Variants in PCDHA10 observed in about 807,000 individuals in gnomAD.
The protein encoded by PCDHA10 is protocadherin alpha 10, also known as protocadherin alpha-10.
A neutral mutation model predicts 61.2 loss-of-function variants in PCDHA10; 45 were observed. That is an observed-to-expected ratio of 0.74 (90% CI 0.58 to 0.94). The LOEUF (loss-of-function observed/expected upper bound fraction) is 0.94. Among genes scored for constraint, PCDHA10 ranks in the 40% least tolerant of loss-of-function variants. PCDHA10 has a pLI of 0.00. For missense variants in PCDHA10, 1,278 were observed against 1,236.2 expected (o/e 1.03, Z -0.51); for synonymous variants, 602 against 548.8 (o/e 1.10, Z -1.35).
rs1305231081 is a variant in PCDHA10 at position 141,010,857 on chromosome 5, G to A, written c.*920G>A. The A allele has an allele frequency of 6.5e-6, 1 of 153,732 alleles. No homozygotes were observed. The highest frequency in any genetic ancestry group is 2.4e-5 in the African/African-American group (1 of 41,448). 9.5% of individuals were successfully genotyped at this position (153,732 alleles called of 1,614,324 possible). ...ATAGATTTATTTAAAAAAAGAGAAAGTCTATAGCTATAAATCTTTAAAGAG... is the reference window on the plus strand; with the variant it reads ...ATAGATTTATTTAAAAAAAGAGAAAATCTATAGCTATAAATCTTTAAAGAG... On this transcript the variant is annotated 3_prime_UTR_variant, in exon 4 of 4. Transcript: ENST00000307360.
intron 1 of PCDHA10, chr5:140,929,432 T>C: frequency 1.4e-6 from 2 of 1,474,372 alleles, no homozygotes; most frequent in Non-Finnish European, 1.8e-6. Flanking sequence ...TCAATTGAAC[T>C]AAACACTCCT....
At chr5:140,967,535 T>C in intron 1 of PCDHA10, 3 of 1,613,746 alleles carry the variant, frequency 1.9e-6, no homozygotes, top group Non-Finnish European at 2.5e-6. Context: ...CTCTCCTGCC[T>C]TTGACCAGTC....
At chr5:140,869,140 C>A in intron 1 of PCDHA10, 8 of 1,613,188 alleles carry the variant, frequency 5.0e-6, no homozygotes, top group African/African-American at 1.3e-5. Context: ...GGGCACCCCA[C>A]GACTACAGCT....
chr5:140,967,460 G>C, intron 1 of PCDHA10: 1 of 1,613,538 alleles, frequency 6.2e-7, no homozygotes, highest in African/African-American at 1.3e-5. Context: ...AGCCGTGGAT[G>C]GGGGCATCCC....
At chr5:140,898,323 G>A (rs2066657733) in intron 1 of PCDHA10, among the ~76,000 whole-genome samples, 1 of 152,132 alleles carries the variant, frequency 6.6e-6, no homozygotes, top group Admixed American at 6.5e-5. Context: ...ATGGTTTTGG[G>A]TCTAACGTTT....
At chr5:140,923,362 T>C (rs1294539314) in intron 1 of PCDHA10, among the ~76,000 whole-genome samples, 1 of 152,136 alleles carries the variant, frequency 6.6e-6, no homozygotes, top group East Asian at 1.9e-4. Context: ...CCTATCTTTA[T>C]AAAATATTTT....
intron 1 of PCDHA10, among the ~76,000 whole-genome samples, chr5:140,898,622 A>G (rs1286354840): frequency 7.9e-5 from 12 of 152,290 alleles, no homozygotes; most frequent in African/African-American, 2.6e-4. Context: ...GTCAGGTAGC[A>G]TAATGCCTCC....
intron 1 of PCDHA10, among the ~76,000 whole-genome samples, chr5:140,969,831 G>A (rs559083785): frequency 3.9e-4 from 60 of 152,296 alleles, no homozygotes; most frequent in African/African-American, 1.4e-3. Context: ...TGTCTACAGT[G>A]GAAATTATCT....
chr5:140,923,456 G>T (rs1554201450), intron 1 of PCDHA10, among the ~76,000 whole-genome samples: 3 of 152,134 alleles, frequency 2.0e-5, no homozygotes, highest in African/African-American at 7.2e-5. Flanking sequence ...TGAGCCCAGA[G>T]AGGTAGGGGC....
rs1012749061 is a variant in PCDHA10 at position 141,011,525 on chromosome 5, C to T, written c.*1588C>T. Reference sequence around the variant, plus strand: ...AAAAGTGGAGTAGTGTTTTTTTAACCATTGTTAATCAGCTTTTGTGTATGA... The same window carrying T: ...AAAAGTGGAGTAGTGTTTTTTTAACTATTGTTAATCAGCTTTTGTGTATGA... On this transcript the variant is annotated 3_prime_UTR_variant, in exon 4 of 4. Coordinates refer to ENST00000307360, the MANE Select transcript of PCDHA10 (RefSeq NM_018901.4). 11 of 153,568 alleles carry T rather than the reference C, an allele frequency of 7.2e-5. No individual in the cohort carries two copies. The Admixed American group carries it at 7.2e-4, about 10-fold the overall frequency. 9.5% of individuals were successfully genotyped at this position (153,568 alleles called of 1,614,324 possible).
At chr5:140,926,483 A>C (rs1261469017) in intron 1 of PCDHA10, 4 of 168,788 alleles carry the variant, frequency 2.4e-5, no homozygotes, top group East Asian at 1.7e-4. Flanking sequence ...TAAGGAGAGA[A>C]GTGTTAGTGT....
chr5:140,870,974 G>C, intron 1 of PCDHA10: 5 of 1,613,628 alleles, frequency 3.1e-6, no homozygotes, highest in Non-Finnish European at 4.2e-6. Context: ...TTCCGCGTGG[G>C]GCTGTACACG....
intron 1 of PCDHA10, chr5:140,876,869 A>G: frequency 1.9e-6 from 3 of 1,614,030 alleles, no homozygotes; most frequent in Non-Finnish European, 2.5e-6. Flanking sequence ...TTCGTGAAGG[A>G]GAACAACCCG....
rs782736508 is a variant in PCDHA10 at position 140,857,757 on chromosome 5, G to A, written c.1709G>A (p.Gly570Asp). ...CCCGCGCTGCTGGCGTCTCCCGCTGGCAGCGCGGGCGGTGCAGTCAGTGAG... is the reference window on the plus strand; with the variant it reads ...CCCGCGCTGCTGGCGTCTCCCGCTGACAGCGCGGGCGGTGCAGTCAGTGAG... The part of the protein sequence containing the change: ...NAPALLASPA[G>D]SAGGAVSELV... Residue 570 changes from glycine to aspartate, a missense_variant, in exon 1 of 4, where the codon GGC becomes GAC. Physicochemically the swap from Gly to Asp is moderately conservative, Grantham distance 94. Coordinates refer to ENST00000307360, the MANE Select transcript of PCDHA10 (RefSeq NM_018901.4). 1.2e-5 allele frequency: 19 copies of A among 1,597,402 alleles called. No individual in the cohort carries two copies. In the East Asian group the frequency reaches 4.0e-4, roughly 34 times the overall value.
intron 3 of PCDHA10, among the ~76,000 whole-genome samples, chr5:140,997,525 A>G (rs1293979369): frequency 6.6e-6 from 1 of 152,242 alleles, no homozygotes; most frequent in African/African-American, 2.4e-5. Flanking sequence ...AAAAAGTACA[A>G]TAAAAATACA....
At chr5:140,897,167 C>A (rs1271791310) in intron 1 of PCDHA10, among the ~76,000 whole-genome samples, 1 of 152,140 alleles carries the variant, frequency 6.6e-6, no homozygotes, top group Non-Finnish European at 1.5e-5. Flanking sequence ...TACTGTCTAT[C>A]TCCATGGGTT....
intron 1 of PCDHA10, chr5:140,883,585 C>G: frequency 6.2e-7 from 1 of 1,614,028 alleles, no homozygotes; most frequent in Non-Finnish European, 8.5e-7. Flanking sequence ...GGGCCACGGC[C>G]AGCGTGTCGG....
intron 1 of PCDHA10, among the ~76,000 whole-genome samples, chr5:140,941,343 G>C (rs2093045496): frequency 8.8e-6 from 1 of 114,104 alleles, no homozygotes. Context: ...TTCAGATGGA[G>C]TCTTGCTCTG....
intron 1 of PCDHA10, among the ~76,000 whole-genome samples, chr5:140,909,417 G>A (rs1016868783): frequency 2.0e-5 from 3 of 152,156 alleles, no homozygotes; most frequent in Non-Finnish European, 1.5e-5. Flanking sequence ...TTACCATTTG[G>A]TTAAACTTAT....
Sources: gnomAD v4.1 joint callset for allele counts (sites outside exome capture counted in the v4.1 genomes callset) on GRCh38, gnomAD v4.1.1 for gene constraint, MANE v1.5 for transcripts, NCBI Gene and HGNC (gene_info 2026-07-23, HGNC 2026-07-21) for gene names.